SAMD7: variants seen among roughly 807,000 people sequenced by gnomAD.
SAMD7 encodes sterile alpha motif domain containing 7, also known as sterile alpha motif domain-containing protein 7.
SAMD7 carries 34 observed loss-of-function variants against 36.7 expected under a neutral mutation model. The observed-to-expected ratio is 0.93, with a 90% CI of 0.71 to 1.23. The LOEUF (loss-of-function observed/expected upper bound fraction) is 1.23. Ranked by LOEUF, SAMD7 falls within the 50% of genes most tolerant of loss-of-function variation. The pLI, the probability that SAMD7 is intolerant of heterozygous loss-of-function variation, is 0.00. For missense variants in SAMD7, 570 were observed against 546.6 expected, an observed-to-expected ratio of 1.04 and a Z score of -0.43; for synonymous variants, 188 against 189.7, an observed-to-expected ratio of 0.99 and a Z score of 0.07.
At chr3:169,919,300 C>T (rs1712943534) in intron 2 of SAMD7, among the ~76,000 whole-genome samples, 158 bp from the exon 3 acceptor site, 1 of 152,172 alleles carries the variant, frequency 6.6e-6, no homozygotes, top group Non-Finnish European at 1.5e-5. Flanking sequence ...CTGAGTTCTA[C>T]AATTATATCT....
Position 169,919,559 on chromosome 3 carries a change from C to A in SAMD7, c.61C>A (p.Pro21Thr). The change falls in exon 3 of 9, where the codon CCA (proline) becomes ACA (threonine). Residue 21 changes from proline (P) to threonine (T), a missense_variant. Pro to Thr is a conservative substitution (Grantham distance 38, BLOSUM62 -1). Transcript: ENST00000335556. ...GQQTIPLIPS[P>T]FGPPTVDRDV... ...GCAGACAATCCCACTGATCCCCTCA[C>A]CATTTGGGCCTCCAACTGTGGACAG... The A allele has an allele frequency of 6.2e-7, 1 of 1,613,902 alleles. No individual in the cohort carries two copies. Among genetic ancestry groups the A allele is most frequent in the Non-Finnish European group, 8.5e-7 (1 of 1,179,770 alleles).
At chr3:169,926,026 A>G (rs1713243516) in intron 5 of SAMD7, among the ~76,000 whole-genome samples, 1 of 152,214 alleles carries the variant, frequency 6.6e-6, no homozygotes, top group Non-Finnish European at 1.5e-5. Flanking sequence ...GGGTAAGAGA[A>G]GGCAGAGTCA....
chr3:169,926,792 G>A lies in SAMD7; in HGVS notation c.530G>A (p.Trp177Ter). ...ACTGCACCACACTTTGAGGAGAGCT[G>A]GGGGCAGAGATGTCGTCGACTCAGG... Reference protein sequence around the residue: ...AATAPHFEESWGQRCRRLRKN... With the variant: ...AATAPHFEES Residue 177 changes from tryptophan to a stop codon, truncating the protein, a stop_gained, in exon 6 of 9, where the codon TGG becomes TAG. Transcript: ENST00000335556. LOFTEE classifies it high-confidence loss of function. 6.2e-7 allele frequency: 1 copy of A among 1,613,940 alleles called. No homozygotes were observed. Among genetic ancestry groups the A allele is most frequent in the Non-Finnish European group, 8.5e-7 (1 of 1,179,994 alleles).
chr3:169,921,084 T>G, intron 3 of SAMD7, 130 bp from the exon 4 acceptor site: 1 of 817,022 alleles, frequency 1.2e-6, no homozygotes, highest in Non-Finnish European at 2.0e-6. Context: ...CTCCAGGACT[T>G]TTGTATTTCA....
chr3:169,932,412 G>A (rs1713534389), intron 7 of SAMD7: 1 of 627,740 alleles, frequency 1.6e-6, no homozygotes, highest in East Asian at 3.9e-5. Context: ...TAGTGGAAGG[G>A]AACCATATGC....
intron 7 of SAMD7, among the ~76,000 whole-genome samples, chr3:169,934,946 G>C (rs1206411504): frequency 1.3e-5 from 2 of 152,206 alleles, no homozygotes; most frequent in Non-Finnish European, 2.9e-5. Flanking sequence ...AGCAAGCACT[G>C]TTCATGAAGG....
intron 8 of SAMD7, among the ~76,000 whole-genome samples, 161 bp downstream of exon 8, chr3:169,936,610 T>C (rs1713725784): frequency 6.6e-6 from 1 of 152,134 alleles, no homozygotes; most frequent in South Asian, 2.1e-4. Context: ...CCTGAAAACA[T>C]TGGATGGGAT....
chr3:169,916,864 G>GAGCA (rs1254786312), intron 2 of SAMD7, among the ~76,000 whole-genome samples: 1 of 152,136 alleles, frequency 6.6e-6, no homozygotes, highest in Non-Finnish European at 1.5e-5. Flanking sequence ...ATCCCATGAG[G>GAGCA]AGCACCTGAG....
At chr3:169,928,275 T>C (rs1015627852) in intron 6 of SAMD7, among the ~76,000 whole-genome samples, 182 bp from the exon 7 acceptor site, 6 of 152,202 alleles carry the variant, frequency 3.9e-5, no homozygotes, top group Non-Finnish European at 8.8e-5. Flanking sequence ...TAAAGATCTT[T>C]TCAGAGAAAG....
chr3:169,917,695 G>A (rs1475163505), intron 2 of SAMD7, among the ~76,000 whole-genome samples: 1 of 151,938 alleles, frequency 6.6e-6, no homozygotes, highest in Non-Finnish European at 1.5e-5. Flanking sequence ...AGGCTGGAGT[G>A]CAGTTGCACA....
At chr3:169,936,926 C>A (rs1398662330) in intron 8 of SAMD7, among the ~76,000 whole-genome samples, 1 of 152,020 alleles carries the variant, frequency 6.6e-6, no homozygotes, top group African/African-American at 2.4e-5. Context: ...GTATTTCTAC[C>A]AGATACAATC....
intron 4 of SAMD7, among the ~76,000 whole-genome samples, 161 bp from the exon 5 acceptor site, chr3:169,924,897 C>T (rs1016427515): frequency 2.0e-5 from 3 of 150,002 alleles, no homozygotes; most frequent in South Asian, 2.1e-4. Flanking sequence ...TCTAAGATAC[C>T]GAACTGCAAT....
chr3:169,927,709 T>G (rs112104092), intron 6 of SAMD7, among the ~76,000 whole-genome samples: 3 of 152,168 alleles, frequency 2.0e-5, no homozygotes, highest in Non-Finnish European at 4.4e-5. Flanking sequence ...TTTTGCTATA[T>G]AGAGAATTTT....
chr3:169,933,070 A>C, intron 7 of SAMD7: 1 of 904,438 alleles, frequency 1.1e-6, no homozygotes, highest in Non-Finnish European at 1.8e-6. Flanking sequence ...TCTACCTTAA[A>C]ATCTGCCATG....
intron 5 of SAMD7, 125 bp downstream of exon 5, chr3:169,925,261 A>G: frequency 1.7e-6 from 1 of 585,544 alleles, no homozygotes; most frequent in East Asian, 3.1e-5. Context: ...CACACAAATT[A>G]CTTACATAAA....
intron 7 of SAMD7, among the ~76,000 whole-genome samples, chr3:169,929,289 A>G (rs1374481627): frequency 6.6e-6 from 1 of 152,124 alleles, no homozygotes; most frequent in Non-Finnish European, 1.5e-5. Context: ...TAATAATACA[A>G]TTCTAAGCAA....
intron 5 of SAMD7, among the ~76,000 whole-genome samples, chr3:169,925,628 G>A (rs2108260951): frequency 6.6e-6 from 1 of 152,304 alleles, no homozygotes; most frequent in East Asian, 1.9e-4. Context: ...TCAGGAGGCT[G>A]AGGCAGAGAA....
intron 4 of SAMD7, among the ~76,000 whole-genome samples, chr3:169,924,574 G>A (rs1156524511): frequency 7.9e-5 from 12 of 152,144 alleles, no homozygotes; most frequent in South Asian, 2.1e-4. Flanking sequence ...ATGACAGAGC[G>A]AGACTCTGTC....
At chr3:169,937,120 C>T (rs1346545867) in intron 8 of SAMD7, among the ~76,000 whole-genome samples, 1 of 152,154 alleles carries the variant, frequency 6.6e-6, no homozygotes, top group Non-Finnish European at 1.5e-5. Flanking sequence ...GGCTTGCAAA[C>T]TTCCTAAACA....
Sources: gnomAD v4.1 joint callset for allele counts (sites outside exome capture counted in the v4.1 genomes callset) on GRCh38, gnomAD v4.1.1 for gene constraint, MANE v1.5 for transcripts, NCBI Gene and HGNC (gene_info 2026-07-23, HGNC 2026-07-21) for gene names.